The following EML5 variants were observed in gnomAD, a reference collection of about 807,000 sequenced individuals.
EML5 encodes echinoderm microtubule-associated protein-like 5.
EML5 carries 120 observed loss-of-function variants against 250.0 expected under a neutral mutation model. That is an observed-to-expected ratio of 0.48 (90% CI 0.41 to 0.56). The LOEUF (loss-of-function observed/expected upper bound fraction) is 0.56. EML5 is among the 20% of genes least tolerant of loss of function. The probability of loss-of-function intolerance (pLI) is 0.00; values close to 1 mark genes in which losing one functional copy is unlikely to be tolerated. For missense variants in EML5, 2,006 were observed against 2,437.6 expected, an observed-to-expected ratio of 0.82 and a Z score of 3.73; for synonymous variants, 771 against 806.5, an observed-to-expected ratio of 0.96 and a Z score of 0.75.
Position 88,750,248 on chromosome 14 carries a change from T to C in EML5, c.358-3965A>G, listed in dbSNP as rs529295553. ...TTTGGACAATTATTTAGCCTCCCTG[T>C]ACCTTACTTTCTTCACCTATTAAAT... On this transcript the variant is annotated intron_variant, in intron 2 of 43. Coordinates refer to ENST00000554922, the MANE Select transcript of EML5 (RefSeq NM_183387.3). 3.3e-4 allele frequency among the ~76,000 whole-genome samples: 51 copies of C among 152,268 alleles called. 2 individuals carry two copies. In the South Asian group the frequency reaches 9.7e-3, roughly 29 times the overall value.
chr14:88,643,075 C>T, intron 30 of EML5, 53 bp from the exon 31 acceptor site: 2 of 1,505,062 alleles, frequency 1.3e-6, no homozygotes, highest in Non-Finnish European at 1.8e-6. Context: ...TAAATGTTCA[C>T]CACTGTTTTG....
At chr14:88,682,683 G>A (rs552057657) in intron 20 of EML5, among the ~76,000 whole-genome samples, 18 of 152,232 alleles carry the variant, frequency 1.2e-4, no homozygotes, top group African/African-American at 2.4e-4. Context: ...TTCTCACCCT[G>A]CCCTCAGCCT....
intron 37 of EML5, chr14:88,622,047 C>T (rs183471234): frequency 6.5e-5 from 21 of 324,096 alleles, no homozygotes; most frequent in African/African-American, 2.6e-4. Context: ...CCCCCTTGTC[C>T]GCCTCCAGTA....
chr14:88,754,594 G>A lies in EML5; in HGVS notation c.275C>T (p.Ser92Leu). Residue 92 changes from serine (S) to leucine (L), a missense_variant, in exon 2 of 44, where the codon TCA becomes TTA. By Grantham distance (145) the Ser-to-Leu change is moderately radical. This residue lies in a region of EML5 where 162 missense variants were observed against 212.2 expected (regional missense o/e 0.76). Coordinates refer to ENST00000554922, the MANE Select transcript of EML5 (RefSeq NM_183387.3). The stretch of plus-strand genomic sequence containing the variant: ...AACTGATATGGTCTGCACAGTGTAT[G>A]AATCCCAAATACAAATATAAGGCTC... ...GKEPYICIWDSYTVQTISVLK... is the reference protein window; with the variant it reads ...GKEPYICIWDLYTVQTISVLK... The A allele has an allele frequency of 6.2e-7, 1 of 1,613,524 alleles. No homozygotes were observed. The highest frequency in any genetic ancestry group is 8.5e-7 in the Non-Finnish European group (1 of 1,179,652).
At chr14:88,683,290 A>G (rs992864870) in intron 20 of EML5, among the ~76,000 whole-genome samples, 1 of 152,218 alleles carries the variant, frequency 6.6e-6, no homozygotes, top group Non-Finnish European at 1.5e-5. Context: ...GGAGTCAGAA[A>G]CAAACCTCAA....
chr14:88,636,961 C>T (rs1314616464), intron 32 of EML5, among the ~76,000 whole-genome samples: 1 of 152,104 alleles, frequency 6.6e-6, no homozygotes, highest in Admixed American at 6.5e-5. Context: ...AGATTCTATC[C>T]AGGAAAAAAG....
intron 33 of EML5, among the ~76,000 whole-genome samples, chr14:88,628,943 T>G (rs1376054307): frequency 6.6e-6 from 1 of 152,014 alleles, no homozygotes; most frequent in Non-Finnish European, 1.5e-5. Context: ...TATAATAAAA[T>G]AGGTTATTTA....
intron 25 of EML5, 57 bp from the exon 26 acceptor site, chr14:88,658,445 T>C: frequency 3.0e-6 from 4 of 1,341,758 alleles, no homozygotes; most frequent in Non-Finnish European, 4.1e-6. Flanking sequence ...TTTAAATATT[T>C]CCATTATGAT....
intron 4 of EML5, among the ~76,000 whole-genome samples, chr14:88,743,625 G>T (rs2093959450): frequency 1.3e-5 from 2 of 152,108 alleles, no homozygotes; most frequent in African/African-American, 4.8e-5. Flanking sequence ...AGGTTAAACA[G>T]CTAATAAATG....
chr14:88,780,573 C>CTT (rs35015569), intron 1 of EML5, among the ~76,000 whole-genome samples: 3 of 147,254 alleles, frequency 2.0e-5, no homozygotes, highest in Non-Finnish European at 3.0e-5. Flanking sequence ...TATAAAAAAT[C>CTT]TTTTTTTTTT....
intron 1 of EML5, among the ~76,000 whole-genome samples, chr14:88,789,083 A>G (rs2094580359): frequency 6.6e-6 from 1 of 151,890 alleles, no homozygotes; most frequent in African/African-American, 2.4e-5. Flanking sequence ...AAAAAAAAAA[A>G]GCTATCGCAT....
intron 5 of EML5, 106 bp from the exon 6 acceptor site, chr14:88,739,120 A>G (rs1217263165): frequency 9.2e-7 from 1 of 1,090,094 alleles, no homozygotes; most frequent in Non-Finnish European, 1.3e-6. Context: ...TTGGTAGGAT[A>G]TAAGAATAAA....
intron 6 of EML5, among the ~76,000 whole-genome samples, chr14:88,738,322 T>C (rs569630044): frequency 1.3e-5 from 2 of 152,088 alleles, no homozygotes; most frequent in East Asian, 1.9e-4. Flanking sequence ...ACACAACTTG[T>C]AGGTGACTGG....
chr14:88,750,307 G>T (rs948551416), intron 2 of EML5, among the ~76,000 whole-genome samples: 3 of 152,086 alleles, frequency 2.0e-5, no homozygotes, highest in African/African-American at 7.2e-5. Context: ...GGGTCACTAT[G>T]AGAATCAACA....
intron 2 of EML5, among the ~76,000 whole-genome samples, chr14:88,746,924 A>T (rs2094011764): frequency 6.6e-6 from 1 of 152,166 alleles, no homozygotes; most frequent in African/African-American, 2.4e-5. Flanking sequence ...TGCTGGCCTA[A>T]ATTCTCATTA....
chr14:88,788,633 C>T (rs1450290762), intron 1 of EML5, among the ~76,000 whole-genome samples: 23 of 151,980 alleles, frequency 1.5e-4, no homozygotes, highest in Admixed American at 1.4e-3. Context: ...TAACAAAATG[C>T]CCCAAGTTAA....
intron 33 of EML5, 35 bp from the exon 34 acceptor site, chr14:88,627,854 CCTGTTATAAATATTT>C: frequency 6.6e-7 from 1 of 1,521,108 alleles, no homozygotes; most frequent in Non-Finnish European, 8.8e-7. Context: ...TTGTAATCTA[CCTGTTATAAATATTT>C]CTGTTTCTAA....
chr14:88,755,526 G>A (rs1373588453), intron 1 of EML5, among the ~76,000 whole-genome samples: 1 of 152,166 alleles, frequency 6.6e-6, no homozygotes, highest in Non-Finnish European at 1.5e-5. Flanking sequence ...AGACCTAGCA[G>A]TTGGTAATAG....
chr14:88,725,156 G>A (rs967580871), intron 8 of EML5, among the ~76,000 whole-genome samples: 95 of 152,106 alleles, frequency 6.2e-4, no homozygotes, highest in African/African-American at 9.9e-4. Flanking sequence ...CTTAGGAGAT[G>A]GAAGAATGGG....
Sources: gnomAD v4.1 joint callset for allele counts (sites outside exome capture counted in the v4.1 genomes callset) on GRCh38, gnomAD v4.1.1 for gene constraint, gnomAD v4.1.1 regional missense constraint, MANE v1.5 for transcripts, NCBI Gene and HGNC (gene_info 2026-07-23, HGNC 2026-07-21) for gene names.